The following APLP1 variants were observed in gnomAD, a reference collection of about 807,000 sequenced individuals.
The protein encoded by APLP1 is amyloid beta (A4) precursor-like protein 1.
A neutral mutation model predicts 84.5 loss-of-function variants in APLP1; 46 were observed. That is an observed-to-expected ratio of 0.54 (90% CI 0.43 to 0.70). The LOEUF is 0.70. Ranked by LOEUF, APLP1 falls within the 30% of genes least tolerant of loss-of-function variation. The pLI, the probability that APLP1 is intolerant of heterozygous loss-of-function variation, is 0.00. For missense variants in APLP1, 826 were observed against 900.2 expected, an observed-to-expected ratio of 0.92 and a Z score of 1.05; for synonymous variants, 376 against 364.0, an observed-to-expected ratio of 1.03 and a Z score of -0.38.
intron 10 of APLP1, among the ~76,000 whole-genome samples, chr19:35,876,287 C>T (rs1974280049): frequency 6.6e-6 from 1 of 152,176 alleles, no homozygotes; most frequent in Non-Finnish European, 1.5e-5. Flanking sequence ...ACCCTCCAAT[C>T]CTCAATCTCT....
At position 35,876,622 on chromosome 19, in the gene APLP1, T is replaced by A; in HGVS notation, c.1444+6T>A. 6.2e-7 allele frequency: 1 copy of A among 1,606,936 alleles called. No homozygotes were observed. Among genetic ancestry groups the A allele is most frequent in the Non-Finnish European group, 8.5e-7 (1 of 1,175,870 alleles). On this transcript the variant is annotated splice_donor_region_variant and intron_variant, in intron 11 of 16. Coordinates refer to ENST00000221891, the MANE Select transcript of APLP1 (RefSeq NM_001024807.3). ...GGAGCTGCGGCCCCAAATCCGTGAG[T>A]GTCTATTACCCTGGCTCCCATTACA... is the stretch of plus-strand genomic sequence containing the variant.
chr19:35,879,048 C>T (rs375023752), intron 15 of APLP1, 26 bp from the exon 16 acceptor site: 4 of 1,612,956 alleles, frequency 2.5e-6, no homozygotes, highest in South Asian at 1.1e-5. Context: ...CAAAGAAGCC[C>T]TCTGCCCCAT....
intron 10 of APLP1, among the ~76,000 whole-genome samples, chr19:35,875,621 C>T (rs1206004095): frequency 6.6e-6 from 1 of 150,658 alleles, no homozygotes; most frequent in Non-Finnish European, 1.5e-5. Flanking sequence ...ACGCCCGGCC[C>T]CAGCTAATTT....
intron 6 of APLP1, 150 bp from the exon 7 acceptor site, chr19:35,872,333 G>C: frequency 8.8e-7 from 1 of 1,136,138 alleles, no homozygotes; most frequent in Non-Finnish European, 1.3e-6. Context: ...GCCCAGTCCA[G>C]AACTACATCT....
intron 13 of APLP1, 53 bp from the exon 14 acceptor site, chr19:35,878,531 G>A: frequency 6.3e-7 from 1 of 1,593,208 alleles, no homozygotes; most frequent in Admixed American, 1.7e-5. Flanking sequence ...GGGTGACAGA[G>A]TGAGACTCTG....
chr19:35,877,864 G>A (rs1170404894), intron 12 of APLP1, 39 bp downstream of exon 12: 1 of 1,532,684 alleles, frequency 6.5e-7, no homozygotes, highest in Non-Finnish European at 8.9e-7. Context: ...AGACATTAGG[G>A]AACAGGCCCC....
At position 35,878,698 on chromosome 19, in the gene APLP1, G is replaced by A. The variant is rs186608657; in HGVS notation, c.1650+44G>A. On this transcript the variant is annotated intron_variant, in intron 14 of 16. Coordinates refer to ENST00000221891, the MANE Select transcript of APLP1 (RefSeq NM_001024807.3). ...TGGGCTCCCTAAGGGGAACAAGATC[G>A]GGGCCTATATGGCTGGGTACGAGGG... is the stretch of plus-strand genomic sequence containing the variant. 33 of 1,608,150 alleles carry A rather than the reference G, an allele frequency of 2.1e-5. No homozygotes were observed. The East Asian group carries it at 3.1e-4, about 15-fold the overall frequency.
At chr19:35,875,354 C>G (rs1460069346) in intron 10 of APLP1, among the ~76,000 whole-genome samples, 3 of 144,160 alleles carry the variant, frequency 2.1e-5, no homozygotes, top group Non-Finnish European at 4.5e-5. Flanking sequence ...TTGACAGAGT[C>G]TCGCTCTGTT....
At chr19:35,870,214 G>C (rs1251043509) in intron 2 of APLP1, 3 of 248,004 alleles carry the variant, frequency 1.2e-5, no homozygotes, top group African/African-American at 6.9e-5. Flanking sequence ...GAGTTTTGGA[G>C]AGGCGGAATA....
intron 16 of APLP1, 44 bp from the exon 17 acceptor site, chr19:35,879,299 C>G (rs767271945): frequency 6.2e-7 from 1 of 1,610,458 alleles, no homozygotes; most frequent in Admixed American, 1.7e-5. Context: ...CGGGCAGTCC[C>G]GCCCCCGCAC....
chr19:35,868,684 C>A lies in APLP1; in HGVS notation c.48C>A (p.Gly16=). 1 of 1,408,490 alleles carries A rather than the reference C, an allele frequency of 7.1e-7. No homozygotes were observed. 87.2% of individuals were successfully genotyped at this position (1,408,490 alleles called of 1,614,324 possible). The change falls in exon 1 of 17, where the codon GGC becomes GGA. Residue 16 remains glycine (G), a synonymous_variant. Transcript: ENST00000221891. The surrounding 1 kb of genome is among the most constrained non-coding windows in gnomAD (Gnocchi z 5.2). ...PAARGLSRRP[G]QPPLPLLLPL... ...CTCGCGGTCTAAGTCGCCGCCCGGG[C>A]CAGCCGCCGCTGCCGCTGCTGCTGC...
chr19:35,879,772 A>C lies in APLP1; in HGVS notation c.*331A>C. 3.5e-6 allele frequency: 1 copy of C among 282,002 alleles called. No homozygotes were observed. Among genetic ancestry groups the C allele is most frequent in the Non-Finnish European group, 6.7e-6 (1 of 150,256 alleles). The allele number at this position is 282,002 out of a possible 1,614,324, so 17.5% of individuals were successfully genotyped here. A position where few individuals can be genotyped will look rare whatever the true frequency, so the allele number is the denominator to read the frequency against. The stretch of plus-strand genomic sequence containing the variant: ...CTCATGTTTCCCTACTAACATCCCA[A>C]TAAAGTCCTCTTCCCTACCAGGCCA... On this transcript the variant is annotated 3_prime_UTR_variant, in exon 17 of 17. Coordinates refer to ENST00000221891, the MANE Select transcript of APLP1 (RefSeq NM_001024807.3).
intron 8 of APLP1, 152 bp downstream of exon 8, chr19:35,873,865 C>T (rs1974218006): frequency 2.8e-6 from 2 of 715,346 alleles, no homozygotes; most frequent in Non-Finnish European, 4.8e-6. Context: ...GCAGCTCTGC[C>T]CCTCTTAGCC....
chr19:35,876,668 G>C (rs1351521815), intron 11 of APLP1, 52 bp downstream of exon 11: 1 of 1,447,912 alleles, frequency 6.9e-7, no homozygotes, highest in African/African-American at 1.4e-5. Flanking sequence ...GGCAGATCTT[G>C]ACTCCTAAAT....
intron 7 of APLP1, among the ~76,000 whole-genome samples, chr19:35,873,245 CTT>C (rs74172771): frequency 4.1e-4 from 51 of 125,740 alleles, no homozygotes; most frequent in Admixed American, 4.8e-4. Flanking sequence ...GCCTTTAAAT[CTT>C]TTTTTTTTTT....
In APLP1 at chr19:35,871,925, G is replaced by C; in HGVS notation, c.739G>C (p.Glu247Gln). 1 of 1,614,168 alleles carries C rather than the reference G, an allele frequency of 6.2e-7. No individual in the cohort carries two copies. ...GGGGGCTGAGGACGAGGAAGAGGAG[G>C]AATCCTTCCCACAGCCAGTAGATGA... ...VEGAEDEEEEESFPQPVDDYF... is the reference protein window; with the variant it reads ...VEGAEDEEEEQSFPQPVDDYF... Residue 247 changes from glutamate (E) to glutamine (Q), a missense_variant, in exon 6 of 17, where the codon GAA becomes CAA. Glu to Gln is a conservative substitution (Grantham distance 29, BLOSUM62 2). Around this residue, in one of 3 missense-constraint regions of APLP1, gnomAD observed 383 missense variants for 378.3 expected, o/e 1.01. Transcript: ENST00000221891.
rs766186725 is a variant in APLP1, at chr19:35,879,376, C to T, written c.1891C>T (p.Leu631Phe). 3 of 1,613,994 alleles carry T rather than the reference C, an allele frequency of 1.9e-6. No individual in the cohort carries two copies. Among genetic ancestry groups the T allele is most frequent in the Non-Finnish European group, 2.5e-6 (3 of 1,180,012 alleles). ...DPMLTLEEQQ[L>F]RELQRHGYEN... ...CATGCTGACCCTGGAGGAGCAGCAG[C>T]TCCGCGAACTGCAGCGGCACGGCTA... is the stretch of plus-strand genomic sequence containing the variant. Residue 631 changes from leucine (L) to phenylalanine (F), a missense_variant, in exon 17 of 17, where the codon CTC (leucine) becomes TTC (phenylalanine). By Grantham distance (22) the Leu-to-Phe change is conservative. Coordinates refer to ENST00000221891, the MANE Select transcript of APLP1 (RefSeq NM_001024807.3).
At position 35,879,083 on chromosome 19, in the gene APLP1, GGGA is replaced by G; in HGVS notation, c.1724_1726del (p.Gly575_Thr576delinsAla). 2.5e-6 allele frequency: 4 copies of G among 1,612,212 alleles called. No homozygotes were observed. The highest frequency in any genetic ancestry group is 3.4e-6 in the Non-Finnish European group (4 of 1,179,980). ...TCTCCTCTCCCTGCAGGCACCAGCT[GGGA>G]CAGGGGTGTCCCGTGAGGCTGTGTC... On this transcript the variant is annotated inframe_deletion, in exon 16 of 17. Coordinates refer to ENST00000221891, the MANE Select transcript of APLP1 (RefSeq NM_001024807.3).
chr19:35,871,219 T>C lies in APLP1; in HGVS notation c.425-18T>C. On this transcript the variant is annotated intron_variant, in intron 3 of 16. Coordinates refer to ENST00000221891, the MANE Select transcript of APLP1 (RefSeq NM_001024807.3). ...TGGCTATAGGAGGATCTCACCCTGGTGTCCCGTGCTTCCCCAGCTGGTGAA... is the reference window on the plus strand; with the variant it reads ...TGGCTATAGGAGGATCTCACCCTGGCGTCCCGTGCTTCCCCAGCTGGTGAA... 1 of 1,608,724 alleles carries C rather than the reference T, an allele frequency of 6.2e-7. No homozygotes were observed. Among genetic ancestry groups the C allele is most frequent in the East Asian group, 2.2e-5 (1 of 44,732 alleles).
Sources: allele counts gnomAD v4.1 joint callset (sites outside exome capture counted in the v4.1 genomes callset), GRCh38; gene constraint gnomAD v4.1.1; regional missense constraint gnomAD v4.1.1; non-coding constraint Gnocchi (gnomAD v3.1); transcripts MANE v1.5; gene names NCBI Gene and HGNC (gene_info 2026-07-23, HGNC 2026-07-21).